Variants in DAB1 observed in about 807,000 individuals in gnomAD.
DAB1 encodes the protein disabled homolog 1.
DAB1 carries 15 observed loss-of-function variants against 64.6 expected under a neutral mutation model. The ratio of observed to expected loss-of-function variants is 0.23; its 90% CI spans 0.16 to 0.36. The LOEUF is 0.36. Ranked by LOEUF, DAB1 falls within the 10% of genes least tolerant of loss-of-function variation. The probability of loss-of-function intolerance (pLI) is 1.00; values close to 1 mark genes in which losing one functional copy is unlikely to be tolerated. For synonymous variants in DAB1, 235 were observed against 251.9 expected, an observed-to-expected ratio of 0.93 and a Z score of 0.64; for missense variants, 596 against 706.7, an observed-to-expected ratio of 0.84 and a Z score of 1.78.
intron 3 of DAB1, among the ~76,000 whole-genome samples, chr1:58,353,157 CTG>C (rs1305590382): frequency 1.5e-4 from 23 of 151,936 alleles, no homozygotes; most frequent in African/African-American, 4.8e-5. Context: ...ATCATAAACT[CTG>C]TGTTTTGAAA....
intron 2 of DAB1, among the ~76,000 whole-genome samples, chr1:57,168,714 C>G (rs924349106): frequency 1.3e-5 from 2 of 152,140 alleles, no homozygotes; most frequent in African/African-American, 2.4e-5. Flanking sequence ...TCAGGCTTTA[C>G]CAAATGCCCC....
chr1:58,198,130 C>T (rs1033672052), intron 4 of DAB1, among the ~76,000 whole-genome samples: 3 of 152,214 alleles, frequency 2.0e-5, no homozygotes, highest in Non-Finnish European at 4.4e-5. Flanking sequence ...GAAGTCACGA[C>T]AGCTGCATCC....
At chr1:57,682,175 C>T (rs2101699314) in intron 6 of DAB1, among the ~76,000 whole-genome samples, 1 of 151,820 alleles carries the variant, frequency 6.6e-6, no homozygotes, top group Admixed American at 6.6e-5. Context: ...ATTTTTAAAA[C>T]ATCCAATTAG....
intron 5 of DAB1, among the ~76,000 whole-genome samples, chr1:57,995,861 A>G (rs752270206): frequency 2.0e-5 from 3 of 151,838 alleles, no homozygotes; most frequent in Non-Finnish European, 4.4e-5. Flanking sequence ...CAGACCAAGC[A>G]CATACATGGA....
At chr1:58,048,088 G>A (rs1192580784) in intron 5 of DAB1, 3 of 768,348 alleles carry the variant, frequency 3.9e-6, no homozygotes, top group Non-Finnish European at 6.7e-6. Flanking sequence ...CCACCACTGT[G>A]TTTGGCTGAG....
intron 6 of DAB1, among the ~76,000 whole-genome samples, chr1:57,661,524 G>T (rs1646386247): frequency 6.6e-6 from 1 of 152,126 alleles, no homozygotes; most frequent in African/African-American, 2.4e-5. Flanking sequence ...TCTCTCTTGT[G>T]CAGCCCTTAG....
chr1:57,975,280 C>T (rs1381738351), intron 5 of DAB1, among the ~76,000 whole-genome samples: 2 of 152,164 alleles, frequency 1.3e-5, no homozygotes, highest in Non-Finnish European at 2.9e-5. Flanking sequence ...TTAACTCACC[C>T]ATCTGTGATA....
intron 2 of DAB1, among the ~76,000 whole-genome samples, chr1:57,210,885 C>T (rs1045003657): frequency 6.6e-6 from 1 of 152,174 alleles, no homozygotes; most frequent in African/African-American, 2.4e-5. Context: ...CATCCATACA[C>T]AAATAATACA....
At chr1:57,592,950 G>A (rs746628933) in intron 7 of DAB1, among the ~76,000 whole-genome samples, 7 of 152,092 alleles carry the variant, frequency 4.6e-5, no homozygotes, top group South Asian at 2.1e-4. Flanking sequence ...TCTATATGTA[G>A]TCACACTGAG....
At chr1:58,083,397 T>C (rs1650116122) in intron 5 of DAB1, among the ~76,000 whole-genome samples, 1 of 152,228 alleles carries the variant, frequency 6.6e-6, no homozygotes, top group Admixed American at 6.5e-5. Context: ...ACTCTAGTAT[T>C]ATGAAGGCCA....
intron 5 of DAB1, among the ~76,000 whole-genome samples, chr1:58,102,613 A>AT (rs1553159973): frequency 6.6e-6 from 1 of 152,156 alleles, no homozygotes; most frequent in African/African-American, 2.4e-5. Flanking sequence ...TTGCCAAAAT[A>AT]TTTTTTTCTT....
intron 6 of DAB1, among the ~76,000 whole-genome samples, chr1:57,781,761 T>C (rs1650113942): frequency 6.6e-6 from 1 of 151,144 alleles, no homozygotes; most frequent in African/African-American, 2.4e-5. Flanking sequence ...TTGGTGCTGA[T>C]TAAATTGGGC....
At chr1:58,234,166 G>A (rs748637784) in intron 4 of DAB1, among the ~76,000 whole-genome samples, 4 of 152,168 alleles carry the variant, frequency 2.6e-5, no homozygotes, top group Non-Finnish European at 4.4e-5. Flanking sequence ...GAGACCACAC[G>A]TTCTTTTCCT....
chr1:57,759,930 C>T (rs1355883694), intron 6 of DAB1, among the ~76,000 whole-genome samples: 1 of 152,090 alleles, frequency 6.6e-6, no homozygotes, highest in Non-Finnish European at 1.5e-5. Flanking sequence ...AAGAGCAACG[C>T]ATTGGAACGT....
intron 9 of DAB1, among the ~76,000 whole-genome samples, chr1:57,038,043 T>C (rs1027052890): frequency 2.6e-5 from 4 of 152,248 alleles, no homozygotes; most frequent in Non-Finnish European, 5.9e-5. Context: ...AATAGCTTCA[T>C]GTGGCTAGTG....
At chr1:57,808,323 C>A (rs1160274736) in intron 6 of DAB1, among the ~76,000 whole-genome samples, 2 of 152,152 alleles carry the variant, frequency 1.3e-5, no homozygotes, top group African/African-American at 4.8e-5. Context: ...TAGCCCTAGT[C>A]CACCCTCTGT....
intron 6 of DAB1, among the ~76,000 whole-genome samples, chr1:57,745,221 T>G (rs1257966023): frequency 6.6e-6 from 1 of 152,134 alleles, no homozygotes; most frequent in Non-Finnish European, 1.5e-5. Flanking sequence ...TCCAGTAAAG[T>G]GTGGCGTTGG....
chr1:57,095,750 G>C (rs181051923), intron 4 of DAB1, among the ~76,000 whole-genome samples: 1 of 152,120 alleles, frequency 6.6e-6, no homozygotes, highest in Non-Finnish European at 1.5e-5. Context: ...GTTAAATAAC[G>C]TGGGAAGTAA....
rs183083279 is a variant in DAB1, at chr1:57,636,578, G to A, written n.625+13014C>T. 6.8e-3 allele frequency among the ~76,000 whole-genome samples: 1,041 copies of A among 152,318 alleles called. 7 individuals are homozygous for A. Among genetic ancestry groups the A allele is most frequent in the Non-Finnish European group, 0.011 (754 of 68,024 alleles). ...TGACCAGGGTACTAGCAGTAGAGAAGGTGGTAAAGACTGGCTGAATCCTGA... is the reference window on the plus strand; with the variant it reads ...TGACCAGGGTACTAGCAGTAGAGAAAGTGGTAAAGACTGGCTGAATCCTGA... On this transcript the variant is annotated intron_variant and non_coding_transcript_variant, in intron 7 of 20. Transcript: ENST00000485760.
Sources: allele counts gnomAD v4.1 joint callset (sites outside exome capture counted in the v4.1 genomes callset), GRCh38; gene constraint gnomAD v4.1.1; transcripts MANE v1.5; gene names NCBI Gene and HGNC (gene_info 2026-07-23, HGNC 2026-07-21).